Variants in DGKH observed in about 807,000 individuals in gnomAD.
DGKH encodes the protein DAG kinase eta.
Under a neutral mutation model 159.3 loss-of-function variants are expected in DGKH, and 90 were observed. That is an observed-to-expected ratio of 0.57 (90% CI 0.48 to 0.67). The LOEUF is 0.67. Ranked by LOEUF, DGKH falls within the 30% of genes least tolerant of loss-of-function variation. DGKH has a pLI of 0.00. For synonymous variants in DGKH, 536 were observed against 553.8 expected (o/e 0.97, Z 0.45); for missense variants, 1,181 against 1,506.1 (o/e 0.78, Z 3.57).
At chr13:42,059,450 A>G (rs1350968067) in intron 1 of DGKH, among the ~76,000 whole-genome samples, 2 of 152,018 alleles carry the variant, frequency 1.3e-5, no homozygotes, top group Non-Finnish European at 2.9e-5. Flanking sequence ...GGGTTTCTCT[A>G]TGTTGACCAG....
At chr13:42,244,853 G>T (rs1234350997), downstream of DGKH, among the ~76,000 whole-genome samples, 2 of 124,988 alleles carry the variant, frequency 1.6e-5, no homozygotes, top group African/African-American at 6.0e-5. Flanking sequence ...GCAGTGAGCC[G>T]AGATCCCGCC....
At chr13:42,080,795 C>T (rs1370385308) in intron 1 of DGKH, among the ~76,000 whole-genome samples, 1 of 151,486 alleles carries the variant, frequency 6.6e-6, no homozygotes, top group Non-Finnish European at 1.5e-5. Flanking sequence ...TTTAAGCTTT[C>T]CTCGGAAGAT....
chr13:42,206,407 G>C (rs1027153563), intron 21 of DGKH, among the ~76,000 whole-genome samples: 5 of 152,194 alleles, frequency 3.3e-5, no homozygotes, highest in Admixed American at 3.3e-4. Flanking sequence ...ACATTAAATA[G>C]TGGGTCTGCT....
At chr13:42,207,114 T>TTTCTTA (rs1555276129) in intron 21 of DGKH, among the ~76,000 whole-genome samples, 1 of 99,118 alleles carries the variant, frequency 1.0e-5, no homozygotes, top group Non-Finnish European at 2.1e-5. Context: ...TCTTTCTTTC[T>TTTCTTA]CTTTCTCTCT....
At chr13:42,244,853 G>A (rs1234350997), downstream of DGKH, among the ~76,000 whole-genome samples, 4 of 124,988 alleles carry the variant, frequency 3.2e-5, no homozygotes, top group East Asian at 5.3e-4. Context: ...GCAGTGAGCC[G>A]AGATCCCGCC....
At chr13:42,217,942 G>A (rs1278217139) in intron 26 of DGKH, among the ~76,000 whole-genome samples, 1 of 152,182 alleles carries the variant, frequency 6.6e-6, no homozygotes, top group Non-Finnish European at 1.5e-5. Context: ...GCTGAGGCAC[G>A]AGAATTGCTT....
intron 20 of DGKH, among the ~76,000 whole-genome samples, chr13:42,203,271 C>A (rs565847746): frequency 6.6e-6 from 1 of 152,246 alleles, no homozygotes; most frequent in Admixed American, 6.5e-5. Context: ...TTATTCAGTT[C>A]GGAAGAGTAA....
chr13:42,198,533 G>A lies in DGKH; in HGVS notation c.2223G>A (p.Met741Ile), dbSNP rs1226098266. 6.2e-7 allele frequency: 1 copy of A among 1,613,718 alleles called. No homozygotes were observed. Among genetic ancestry groups the A allele is most frequent in the Non-Finnish European group, 8.5e-7 (1 of 1,179,818 alleles). Residue 741 changes from methionine to isoleucine, a missense_variant, in exon 18 of 30, where the codon ATG becomes ATA. Coordinates refer to ENST00000337343, the MANE Select transcript of DGKH (RefSeq NM_178009.5). ...CTGGGAGTTCGATTATCAACAAAAT[G>A]TTACTGGCAAACATTGATCCTTTTG... Reference protein sequence around the residue: ...SIAGSSIINKMLLANIDPFGA... With the variant: ...SIAGSSIINKILLANIDPFGA...
intron 3 of DGKH, among the ~76,000 whole-genome samples, chr13:42,137,602 T>C (rs1001957472): frequency 2.6e-5 from 4 of 152,246 alleles, no homozygotes; most frequent in Non-Finnish European, 5.9e-5. Context: ...TCTAACTGGT[T>C]ATTACATGTT....
intron 3 of DGKH, 21 bp from the exon 4 acceptor site, chr13:42,155,270 A>C (rs767531679): frequency 3.9e-6 from 6 of 1,540,278 alleles, no homozygotes; most frequent in Non-Finnish European, 5.3e-6. Flanking sequence ...AACAATCATT[A>C]GATTGAATTA....
intron 1 of DGKH, among the ~76,000 whole-genome samples, chr13:42,125,454 C>T (rs983559458): frequency 9.9e-5 from 15 of 152,092 alleles, no homozygotes; most frequent in East Asian, 3.9e-4. Context: ...TTGTTATTTC[C>T]GATTTTTAGG....
At chr13:42,078,946 G>T in intron 1 of DGKH, among the ~76,000 whole-genome samples, 1 of 107,134 alleles carries the variant, frequency 9.3e-6, no homozygotes, top group African/African-American at 3.8e-5. Flanking sequence ...GATGGAGTCT[G>T]TCTCTGTTGC....
intron 9 of DGKH, among the ~76,000 whole-genome samples, chr13:42,167,565 C>T (rs563020517): frequency 1.3e-5 from 2 of 152,218 alleles, no homozygotes; most frequent in South Asian, 2.1e-4. Flanking sequence ...AAGTCTCAGG[C>T]CCTTCTGGTC....
intron 21 of DGKH, among the ~76,000 whole-genome samples, chr13:42,207,621 AAAG>A: frequency 6.6e-6 from 1 of 151,120 alleles, no homozygotes; most frequent in East Asian, 1.9e-4. Context: ...TATATTAGAA[AAAG>A]AAGAAAACAC....
chr13:42,093,636 A>G (rs1373114036), intron 1 of DGKH, among the ~76,000 whole-genome samples: 2 of 152,244 alleles, frequency 1.3e-5, no homozygotes, highest in Non-Finnish European at 2.9e-5. Context: ...GAATGGGTAA[A>G]GAAAATGTGG....
At chr13:42,072,856 C>A (rs142759449) in intron 1 of DGKH, among the ~76,000 whole-genome samples, 2,159 of 152,250 alleles carry the variant, frequency 0.014, 33 homozygotes, top group Middle Eastern at 0.024. Context: ...GCAGTCCCCA[C>A]CCCCAACCTG....
At chr13:42,052,885 T>C (rs1207892130) in intron 1 of DGKH, among the ~76,000 whole-genome samples, 2 of 152,254 alleles carry the variant, frequency 1.3e-5, no homozygotes, top group African/African-American at 4.8e-5. Flanking sequence ...TGAAGCTGCA[T>C]GTGTCAAAAA....
chr13:42,200,423 A>C (rs1362971639), intron 20 of DGKH, among the ~76,000 whole-genome samples: 1 of 152,224 alleles, frequency 6.6e-6, no homozygotes, highest in East Asian at 1.9e-4. Flanking sequence ...GGACAGAAAA[A>C]GTTATTTTAT....
chr13:42,227,591 G>T (rs920992645), intron 29 of DGKH, among the ~76,000 whole-genome samples: 9 of 152,178 alleles, frequency 5.9e-5, no homozygotes, highest in African/African-American at 2.2e-4. Flanking sequence ...TTGCTTTTAA[G>T]CTTGATACTT....
Sources: gnomAD v4.1 joint callset for allele counts (sites outside exome capture counted in the v4.1 genomes callset) on GRCh38, gnomAD v4.1.1 for gene constraint, MANE v1.5 for transcripts, NCBI Gene and HGNC (gene_info 2026-07-23, HGNC 2026-07-21) for gene names.